Variants in AMN1 observed in about 807,000 individuals in gnomAD.
AMN1 encodes the protein protein AMN1 homolog.
AMN1 carries 20 observed loss-of-function variants against 33.0 expected under a neutral mutation model. The observed-to-expected ratio is 0.61, with a 90% CI of 0.43 to 0.88. The LOEUF (loss-of-function observed/expected upper bound fraction) is 0.88, where lower values mean the gene tolerates loss of function less well. AMN1 is among the 40% of genes least tolerant of loss of function. The pLI, the probability that AMN1 is intolerant of heterozygous loss-of-function variation, is 0.00. For synonymous variants in AMN1, 114 were observed against 111.9 expected (o/e 1.02, Z -0.12); for missense variants, 246 against 307.4 (o/e 0.80, Z 1.49).
At chr12:31,728,440 A>C (rs1226686061) in intron 1 of AMN1, among the ~76,000 whole-genome samples, 5 of 152,230 alleles carry the variant, frequency 3.3e-5, no homozygotes. Context: ...TAAAGAACCT[A>C]GGCACAGGGA....
Position 31,729,004 on chromosome 12 carries a change from G to C in AMN1, c.5C>G (p.Pro2Arg), listed in dbSNP as rs1421975323. 6.5e-7 allele frequency: 1 copy of C among 1,545,230 alleles called. No homozygotes were observed. The highest frequency in any genetic ancestry group is 2.0e-5 in the Admixed American group (1 of 50,846). M[P>R]RPRRVSQLLD... ...GAGCTGACTGACCCGCCGTGGGCGA[G>C]GCATCGCTGCAGCGTCTGAAGCCTC... The change falls in exon 1 of 7, where the codon CCT (proline) becomes CGT (arginine). Residue 2 changes from proline to arginine, a missense_variant. Transcript: ENST00000281471.
intron 3 of AMN1, 89 bp from the exon 4 acceptor site, chr12:31,698,046 C>G: frequency 3.1e-6 from 4 of 1,272,948 alleles, no homozygotes; most frequent in Non-Finnish European, 4.5e-6. Context: ...TTAGCAATCA[C>G]CAGTTCAGTG....
chr12:31,673,587 A>AT (rs1951326713), intron 6 of AMN1: 1 of 416,582 alleles, frequency 2.4e-6, no homozygotes, highest in African/African-American at 2.1e-5. Flanking sequence ...CTGGGTGGCT[A>AT]TAGAAGAAGG....
chr12:31,708,375 A>C (rs1939333813), intron 2 of AMN1, among the ~76,000 whole-genome samples: 1 of 152,160 alleles, frequency 6.6e-6, no homozygotes, highest in Non-Finnish European at 1.5e-5. Flanking sequence ...GGTCTCCTGC[A>C]GTACCCTCAG....
intron 2 of AMN1, 182 bp downstream of exon 2, chr12:31,709,111 G>A: frequency 2.9e-6 from 2 of 690,390 alleles, no homozygotes; most frequent in Admixed American, 2.1e-5. Context: ...GGCAGCGGAG[G>A]TTGCAGTGAG....
At chr12:31,724,287 A>G (rs1939981678) in intron 1 of AMN1, among the ~76,000 whole-genome samples, 1 of 152,244 alleles carries the variant, frequency 6.6e-6, no homozygotes, top group Non-Finnish European at 1.5e-5. Context: ...ATATGCCAGC[A>G]TCAGTACTCT....
intron 5 of AMN1, among the ~76,000 whole-genome samples, chr12:31,696,920 C>CAA (rs200986596): frequency 9.8e-5 from 8 of 81,318 alleles, no homozygotes; most frequent in Non-Finnish European, 1.3e-4. Context: ...GACTCCGTCT[C>CAA]AAAAAAAAAA....
At chr12:31,713,105 T>C (rs1939531542) in intron 1 of AMN1, among the ~76,000 whole-genome samples, 1 of 152,216 alleles carries the variant, frequency 6.6e-6, no homozygotes, top group Non-Finnish European at 1.5e-5. Context: ...AGGACCATTT[T>C]GTTATTTGTT....
In AMN1 at chr12:31,671,952, T is replaced by A. The variant is rs532446596; in HGVS notation, c.*352A>T. Reference sequence around the variant, plus strand: ...ATACTTACAGGTAAACTTAGAACAATAGCTCAAATACCTACATAGGAGAAG... The same window carrying A: ...ATACTTACAGGTAAACTTAGAACAAAAGCTCAAATACCTACATAGGAGAAG... On this transcript the variant is annotated 3_prime_UTR_variant, in exon 7 of 7. Coordinates refer to ENST00000281471, the MANE Select transcript of AMN1 (RefSeq NM_001113402.2). The A allele has an allele frequency of 4.0e-5, 7 of 174,162 alleles. No individual in the cohort carries two copies. The highest frequency in any genetic ancestry group is 1.7e-4 in the African/African-American group (7 of 42,158). 10.8% of individuals were successfully genotyped at this position (174,162 alleles called of 1,614,324 possible). A position where few individuals can be genotyped will look rare whatever the true frequency, so the allele number is the denominator to read the frequency against.
At chr12:31,692,123 C>A (rs906931392) in intron 5 of AMN1, among the ~76,000 whole-genome samples, 1 of 151,706 alleles carries the variant, frequency 6.6e-6, no homozygotes, top group Non-Finnish European at 1.5e-5. Context: ...GTGATCCACC[C>A]GCCTCAGCCT....
intron 3 of AMN1, among the ~76,000 whole-genome samples, chr12:31,700,558 C>G (rs1938947224): frequency 6.6e-6 from 1 of 151,980 alleles, no homozygotes; most frequent in Non-Finnish European, 1.5e-5. Context: ...ATGATTAATT[C>G]TTTTGTAATA....
At chr12:31,673,576 G>A in intron 6 of AMN1, 1 of 403,494 alleles carries the variant, frequency 2.5e-6, no homozygotes, top group Non-Finnish European at 4.9e-6. Context: ...CCATGACAAA[G>A]CTGGGTGGCT....
intron 2 of AMN1, among the ~76,000 whole-genome samples, chr12:31,703,869 C>T (rs1380346914): frequency 6.6e-6 from 1 of 152,178 alleles, no homozygotes; most frequent in Non-Finnish European, 1.5e-5. Context: ...AGAACATGTG[C>T]TTTGCAAGCA....
At chr12:31,729,043 G>C (rs1054069201), upstream of AMN1, 3 of 1,525,716 alleles carry the variant, frequency 2.0e-6, no homozygotes, top group African/African-American at 4.1e-5. Context: ...CGCGGTCCCA[G>C]GGCCTCCAGA....
At chr12:31,716,032 G>C (rs1001311536) in intron 1 of AMN1, among the ~76,000 whole-genome samples, 1 of 152,156 alleles carries the variant, frequency 6.6e-6, no homozygotes, top group African/African-American at 2.4e-5. Context: ...TTATCATTAA[G>C]TAATGTCTCT....
At chr12:31,705,059 C>T (rs2139700883) in intron 2 of AMN1, among the ~76,000 whole-genome samples, 1 of 152,260 alleles carries the variant, frequency 6.6e-6, no homozygotes. Flanking sequence ...AAGCAAACTA[C>T]ACCACTAAGG....
rs774374018 is a variant in AMN1 at position 31,697,737 on chromosome 12, T to G, written c.534+3A>C. 6.2e-7 allele frequency: 1 copy of G among 1,613,222 alleles called. No homozygotes were observed. The highest frequency in any genetic ancestry group is 1.7e-5 in the Admixed American group (1 of 60,020). On this transcript the variant is annotated splice_donor_region_variant and intron_variant, in intron 4 of 6. Coordinates refer to ENST00000281471, the MANE Select transcript of AMN1 (RefSeq NM_001113402.2). Reference sequence around the variant, plus strand: ...ATATGTTTGTAGCCTATATGTCATTTACCTGAGTAGCTGAAAAGTCGACAC... The same window carrying G: ...ATATGTTTGTAGCCTATATGTCATTGACCTGAGTAGCTGAAAAGTCGACAC...
intron 5 of AMN1, among the ~76,000 whole-genome samples, chr12:31,689,799 A>G (rs1045784890): frequency 6.6e-6 from 1 of 152,150 alleles, no homozygotes; most frequent in Non-Finnish European, 1.5e-5. Context: ...AACAGGTGGT[A>G]TTTGGTTACA....
At chr12:31,681,167 T>A (rs1937993312) in intron 6 of AMN1, among the ~76,000 whole-genome samples, 1 of 152,184 alleles carries the variant, frequency 6.6e-6, no homozygotes, top group African/African-American at 2.4e-5. Flanking sequence ...ATTTAAAAAA[T>A]TTATTTTTTT....
Sources: gnomAD v4.1 joint callset for allele counts (sites outside exome capture counted in the v4.1 genomes callset) on GRCh38, gnomAD v4.1.1 for gene constraint, MANE v1.5 for transcripts, NCBI Gene and HGNC (gene_info 2026-07-23, HGNC 2026-07-21) for gene names.